The following KLHL5 variants were observed in gnomAD, a reference collection of about 807,000 sequenced individuals.
The protein encoded by KLHL5 is kelch like family member 5, also known as kelch-like protein 5.
In KLHL5, 48 loss-of-function variants were observed where a neutral mutation model predicts 77.7. That is an observed-to-expected ratio of 0.62 (90% CI 0.49 to 0.79). KLHL5 has a LOEUF of 0.79. Ranked by LOEUF, KLHL5 falls within the 30% of genes least tolerant of loss-of-function variation. The probability of loss-of-function intolerance (pLI) is 0.00; values close to 1 mark genes in which losing one functional copy is unlikely to be tolerated. For synonymous variants in KLHL5, 260 were observed against 297.0 expected (o/e 0.88, Z 1.28); for missense variants, 723 against 859.7 (o/e 0.84, Z 1.99).
intron 1 of KLHL5, among the ~76,000 whole-genome samples, chr4:39,047,797 T>G (rs149659054): frequency 6.6e-6 from 1 of 152,366 alleles, no homozygotes; most frequent in Non-Finnish European, 1.5e-5. Context: ...AAACACTATT[T>G]GTACTGTTAA....
Position 39,076,025 on chromosome 4 carries a change from T to A in KLHL5, c.444T>A (p.Asp148Glu). The change falls in exon 2 of 11, where the codon GAT (aspartate) becomes GAA (glutamate). Residue 148 changes from aspartate to glutamate, a missense_variant. By Grantham distance (45) the Asp-to-Glu change is conservative (BLOSUM62 2). Around this residue, in one of 3 missense-constraint regions of KLHL5, gnomAD observed 221 missense variants for 222.1 expected, o/e 1.00. Coordinates refer to ENST00000504108, the MANE Select transcript of KLHL5 (RefSeq NM_015990.5). ...ATACTATGGAGCCATGTACATCAGA[T>A]GAATTTTTCCAAGCCCTTAATCATG... ...SCHTMEPCTS[D>E]EFFQALNHAE... 6.2e-7 allele frequency: 1 copy of A among 1,612,830 alleles called. No individual in the cohort carries two copies.
At chr4:39,049,419 C>T (rs1450179123) in intron 1 of KLHL5, among the ~76,000 whole-genome samples, 1 of 152,128 alleles carries the variant, frequency 6.6e-6, no homozygotes, top group Admixed American at 6.6e-5. Context: ...TGTAGTGGCT[C>T]AAGACTGTGC....
chr4:39,119,797 A>G (rs1723087561), intron 10 of KLHL5, among the ~76,000 whole-genome samples: 1 of 152,252 alleles, frequency 6.6e-6, no homozygotes, highest in South Asian at 2.1e-4. Flanking sequence ...AGTGTCAGCT[A>G]TTCACAATGT....
rs1318603935 is a variant in KLHL5 at position 39,121,457 on chromosome 4, T to G, written c.*391T>G. On this transcript the variant is annotated 3_prime_UTR_variant, in exon 11 of 11. Transcript: ENST00000504108. ...GATGAAACTTTAAAATGTTACTTTT[T>G]GTAAGCTTATCATAAATGAGTTGCA... 1.2e-5 allele frequency: 2 copies of G among 169,524 alleles called. No individual in the cohort carries two copies. Among genetic ancestry groups the G allele is most frequent in the African/African-American group, 4.8e-5 (2 of 42,028 alleles). 10.5% of individuals were successfully genotyped at this position (169,524 alleles called of 1,614,324 possible). A position where few individuals can be genotyped will look rare whatever the true frequency, so the allele number is the denominator to read the frequency against.
intron 6 of KLHL5, among the ~76,000 whole-genome samples, chr4:39,099,026 T>G (rs1245915702): frequency 6.6e-6 from 1 of 152,184 alleles, no homozygotes. Flanking sequence ...ATTATGCCTG[T>G]AATCCCTGCA....
chr4:39,136,092 AT>A, the KLHL5 span, among the ~76,000 whole-genome samples: 1 of 152,020 alleles, frequency 6.6e-6, no homozygotes, highest in Non-Finnish European at 1.5e-5. Flanking sequence ...ATGAAAAAAA[AT>A]CTACTCAAAA....
chr4:39,078,998 T>G (rs1719357624), intron 2 of KLHL5, among the ~76,000 whole-genome samples: 1 of 149,162 alleles, frequency 6.7e-6, no homozygotes, highest in African/African-American at 2.6e-5. Flanking sequence ...TAGCATACAT[T>G]TATTGAGATA....
chr4:39,112,653 A>AT (rs1478901690), intron 8 of KLHL5: 2 of 199,670 alleles, frequency 1.0e-5, no homozygotes, highest in African/African-American at 2.4e-5. Context: ...AGTCTTAACT[A>AT]TTAAAAAAAA....
intron 10 of KLHL5, among the ~76,000 whole-genome samples, chr4:39,117,665 A>C (rs926651325): frequency 6.6e-6 from 1 of 152,218 alleles, no homozygotes; most frequent in African/African-American, 2.4e-5. Flanking sequence ...TAGAGCATCT[A>C]AAGGGAGGAG....
At chr4:39,052,213 C>G (rs1290858669) in intron 1 of KLHL5, among the ~76,000 whole-genome samples, 2 of 152,036 alleles carry the variant, frequency 1.3e-5, no homozygotes, top group East Asian at 1.9e-4. Context: ...CTCCGCCTCT[C>G]AGGTTCAAGT....
intron 10 of KLHL5, among the ~76,000 whole-genome samples, chr4:39,118,616 C>G (rs1723011240): frequency 6.6e-6 from 1 of 152,000 alleles, no homozygotes; most frequent in Admixed American, 6.6e-5. Flanking sequence ...GTTAGCTGGG[C>G]GTGGTGGCGT....
intron 1 of KLHL5, among the ~76,000 whole-genome samples, chr4:39,045,656 A>G (rs1716125878): frequency 6.6e-6 from 1 of 152,084 alleles, no homozygotes; most frequent in Non-Finnish European, 1.5e-5. Flanking sequence ...CATTTATTTC[A>G]GTGCATGCTC....
intron 7 of KLHL5, 82 bp from the exon 8 acceptor site, chr4:39,107,487 T>C: frequency 9.0e-7 from 1 of 1,107,236 alleles, no homozygotes; most frequent in Non-Finnish European, 1.3e-6. Context: ...TTAAGGCTTA[T>C]TGTACTTATA....
At chr4:39,071,100 G>A (rs745566643) in intron 1 of KLHL5, among the ~76,000 whole-genome samples, 4 of 151,984 alleles carry the variant, frequency 2.6e-5, no homozygotes, top group Admixed American at 2.0e-4. Flanking sequence ...GTACAATGGT[G>A]TCTATATCTT....
At chr4:39,142,874 A>G in the KLHL5 span, among the ~76,000 whole-genome samples, 1 of 152,056 alleles carries the variant, frequency 6.6e-6, no homozygotes, top group Non-Finnish European at 1.5e-5. Flanking sequence ...AATTACAGAG[A>G]TGAAGAACAG....
chr4:39,114,465 A>C (rs989414288), intron 9 of KLHL5, among the ~76,000 whole-genome samples: 3 of 107,430 alleles, frequency 2.8e-5, no homozygotes, highest in Non-Finnish European at 6.8e-5. Flanking sequence ...TTAAATTTCA[A>C]CGTTGAGTTT....
the KLHL5 span, among the ~76,000 whole-genome samples, chr4:39,136,439 C>T: frequency 1.3e-5 from 2 of 152,188 alleles, no homozygotes; most frequent in East Asian, 1.9e-4. Context: ...CGATTATAGG[C>T]GTGAGCCACC....
At chr4:39,092,160 C>T (rs1420760051) in intron 5 of KLHL5, among the ~76,000 whole-genome samples, 1 of 151,924 alleles carries the variant, frequency 6.6e-6, no homozygotes, top group Non-Finnish European at 1.5e-5. Context: ...TAATAATTTG[C>T]TCTTCTTTTG....
Position 39,088,878 on chromosome 4 carries a change from G to T in KLHL5, c.1113+2151G>T, listed in dbSNP as rs577287322. Among the ~76,000 whole-genome samples, 32 of 152,286 alleles carry T rather than the reference G, an allele frequency of 2.1e-4. No homozygotes were observed. In the South Asian group the frequency reaches 6.6e-3, roughly 32 times the overall value. ...TTTGGAATTTGAAGGTAGTTTGCATGGCTGGACTGCAGAAATAAAAGGGGA... is the reference window on the plus strand; with the variant it reads ...TTTGGAATTTGAAGGTAGTTTGCATTGCTGGACTGCAGAAATAAAAGGGGA... On this transcript the variant is annotated intron_variant, in intron 5 of 10. Coordinates refer to ENST00000504108, the MANE Select transcript of KLHL5 (RefSeq NM_015990.5).
Sources: gnomAD v4.1 joint callset for allele counts (sites outside exome capture counted in the v4.1 genomes callset) on GRCh38, gnomAD v4.1.1 for gene constraint, gnomAD v4.1.1 regional missense constraint, MANE v1.5 for transcripts, NCBI Gene and HGNC (gene_info 2026-07-23, HGNC 2026-07-21) for gene names.